DGKG: variants seen among roughly 807,000 people sequenced by gnomAD.
DGKG encodes the protein DAG kinase gamma.
Under a neutral mutation model 105.3 loss-of-function variants are expected in DGKG, and 78 were observed. That is an observed-to-expected ratio of 0.74 (90% CI 0.62 to 0.89). The LOEUF (loss-of-function observed/expected upper bound fraction) is 0.89, where lower values mean the gene tolerates loss of function less well. DGKG is among the 40% of genes least tolerant of loss of function. DGKG has a pLI of 0.00. For missense variants in DGKG, 958 were observed against 1,020.1 expected (o/e 0.94, Z 0.83); for synonymous variants, 346 against 367.1 (o/e 0.94, Z 0.66).
At chr3:186,217,557 G>C (rs962862638) in intron 20 of DGKG, among the ~76,000 whole-genome samples, 2 of 152,202 alleles carry the variant, frequency 1.3e-5, no homozygotes, top group Non-Finnish European at 2.9e-5. Context: ...TTGCACACTA[G>C]CTAGTTGAAT....
At chr3:186,213,603 T>G (rs1241510516) in intron 20 of DGKG, among the ~76,000 whole-genome samples, 1 of 152,192 alleles carries the variant, frequency 6.6e-6, no homozygotes, top group Non-Finnish European at 1.5e-5. Flanking sequence ...CTGTGAGTCA[T>G]GTGGATCTGG....
chr3:186,168,088 C>T (rs1716639304), intron 22 of DGKG, among the ~76,000 whole-genome samples: 1 of 152,024 alleles, frequency 6.6e-6, no homozygotes, highest in Non-Finnish European at 1.5e-5. Context: ...ACATTCCAGG[C>T]ACAGGGATGA....
Position 186,320,374 on chromosome 3 carries a change from T to A in DGKG, c.67+19A>T, listed in dbSNP as rs1206696786. 6.2e-7 allele frequency: 1 copy of A among 1,614,084 alleles called. No homozygotes were observed. The highest frequency in any genetic ancestry group is 1.1e-5 in the South Asian group (1 of 91,080). ...CCAAGAAGAAATCCCGTCCCAGGGC[T>A]GTCAATGCATTTACTCACATTCTGA... On this transcript the variant is annotated intron_variant, in intron 2 of 24. Coordinates refer to ENST00000265022, the MANE Select transcript of DGKG (RefSeq NM_001346.3).
At chr3:186,176,603 AGGATTTGGGCTC>A (rs1717089921) in intron 22 of DGKG, among the ~76,000 whole-genome samples, 1 of 152,178 alleles carries the variant, frequency 6.6e-6, no homozygotes, top group Non-Finnish European at 1.5e-5. Flanking sequence ...TTGGAATACT[AGGATTTGGGCTC>A]TAGTCCCAGA....
At chr3:186,171,914 C>T (rs764527493) in intron 22 of DGKG, among the ~76,000 whole-genome samples, 12 of 151,112 alleles carry the variant, frequency 7.9e-5, no homozygotes, top group Non-Finnish European at 1.2e-4. Context: ...GGAGTGCAAT[C>T]GCATGATCTT....
At chr3:186,218,399 GA>G (rs1182813904) in intron 20 of DGKG, among the ~76,000 whole-genome samples, 2 of 147,004 alleles carry the variant, frequency 1.4e-5, no homozygotes, top group Non-Finnish European at 3.0e-5. Flanking sequence ...AGCTACTCGG[GA>G]AGCTGAGGCA....
chr3:186,287,914 C>T (rs1342902775), intron 6 of DGKG, among the ~76,000 whole-genome samples: 3 of 152,156 alleles, frequency 2.0e-5, no homozygotes, highest in African/African-American at 7.2e-5. Flanking sequence ...TTACTGTCTA[C>T]TTAAGTTCCC....
At chr3:186,252,962 A>T (rs1361924803) in intron 18 of DGKG, 131 bp downstream of exon 18, 5 of 735,188 alleles carry the variant, frequency 6.8e-6, no homozygotes, top group Non-Finnish European at 1.2e-5. Context: ...TGGACTTGAC[A>T]TGACTGCAGA....
intron 24 of DGKG, among the ~76,000 whole-genome samples, chr3:186,152,728 A>G (rs113361806): frequency 0.096 from 14,571 of 152,108 alleles, 2,110 homozygotes; most frequent in African/African-American, 0.31. Context: ...CAGTGATGCA[A>G]TCTCGGCTCA....
At chr3:186,213,912 T>C (rs1298237812) in intron 20 of DGKG, among the ~76,000 whole-genome samples, 1 of 152,172 alleles carries the variant, frequency 6.6e-6, no homozygotes, top group Non-Finnish European at 1.5e-5. Flanking sequence ...CCACAGTCAA[T>C]GATGGCAAAA....
chr3:186,235,728 T>C (rs1373141779), intron 20 of DGKG, among the ~76,000 whole-genome samples: 1 of 152,192 alleles, frequency 6.6e-6, no homozygotes, highest in East Asian at 1.9e-4. Context: ...TCGGTTTCTA[T>C]TTTGTTCCCC....
intron 14 of DGKG, 63 bp from the exon 15 acceptor site, chr3:186,261,841 G>C (rs1578742703): frequency 9.1e-7 from 1 of 1,100,206 alleles, no homozygotes; most frequent in African/African-American, 1.6e-5. Flanking sequence ...TGAGATGAGA[G>C]TTGAAGCCAA....
chr3:186,298,963 A>G (rs1723733381), intron 3 of DGKG, among the ~76,000 whole-genome samples: 1 of 152,214 alleles, frequency 6.6e-6, no homozygotes, highest in African/African-American at 2.4e-5. Context: ...GACAGAAGGT[A>G]GAACCAAGAG....
chr3:186,309,900 TGA>T (rs1724434736), intron 2 of DGKG, among the ~76,000 whole-genome samples: 1 of 151,886 alleles, frequency 6.6e-6, no homozygotes, highest in South Asian at 2.1e-4. Context: ...TAAAATAAAC[TGA>T]GGTTTTAATA....
chr3:186,176,263 A>G (rs1717072473), intron 22 of DGKG, among the ~76,000 whole-genome samples: 1 of 152,200 alleles, frequency 6.6e-6, no homozygotes, highest in Non-Finnish European at 1.5e-5. Context: ...TGTATGTAAT[A>G]AAATAAATCA....
intron 22 of DGKG, among the ~76,000 whole-genome samples, chr3:186,178,046 C>T (rs1717170531): frequency 6.6e-6 from 1 of 152,116 alleles, no homozygotes. Flanking sequence ...GAGATGATCT[C>T]TCCACATGAG....
intron 1 of DGKG, among the ~76,000 whole-genome samples, chr3:186,342,735 G>A (rs902994337): frequency 1.3e-5 from 2 of 152,130 alleles, no homozygotes; most frequent in Non-Finnish European, 2.9e-5. Context: ...AAGTAGCCAA[G>A]AAGTCTAGAT....
chr3:186,338,813 T>C (rs914993712), intron 1 of DGKG, among the ~76,000 whole-genome samples: 1 of 152,192 alleles, frequency 6.6e-6, no homozygotes, highest in African/African-American at 2.4e-5. Context: ...AGATGGAGGC[T>C]TACGGAACAT....
At position 186,306,909 on chromosome 3, in the gene DGKG, G is replaced by A. The variant is rs1240344408; in HGVS notation, c.136C>T (p.Pro46Ser). 1.2e-6 allele frequency: 2 copies of A among 1,607,028 alleles called. No individual in the cohort carries two copies. The highest frequency in any genetic ancestry group is 2.2e-5 in the East Asian group (1 of 44,842). Residue 46 changes from proline (P) to serine (S), a missense_variant, in exon 3 of 25, where the codon CCA (proline) becomes TCA (serine). By Grantham distance (74) the Pro-to-Ser change is moderately conservative. Transcript: ENST00000265022. ...NEGGSLKQYD[P>S]HEPISYDVFK... is the part of the protein sequence containing the mutation. The stretch of plus-strand genomic sequence containing the variant: ...AATGGAAATGTTCTTACCTCATGTG[G>A]GTCATATTGTTTGAGGCTCCCACCC...
Sources: allele counts gnomAD v4.1 joint callset (sites outside exome capture counted in the v4.1 genomes callset), GRCh38; gene constraint gnomAD v4.1.1; transcripts MANE v1.5; gene names NCBI Gene and HGNC (gene_info 2026-07-23, HGNC 2026-07-21).